ATXN1: variants seen among roughly 807,000 people sequenced by gnomAD.
ATXN1 encodes the protein ataxin-1.
Under a neutral mutation model 56.4 loss-of-function variants are expected in ATXN1, and 8 were observed. The observed-to-expected ratio is 0.14, with a 90% confidence interval of 0.08 to 0.26. ATXN1 has a LOEUF of 0.26. Ranked by LOEUF, ATXN1 falls within the 10% of genes least tolerant of loss-of-function variation. The pLI is 1.00. For synonymous variants in ATXN1, 514 were observed against 494.6 expected (o/e 1.04, Z -0.52); for missense variants, 987 against 1,106.5 (o/e 0.89, Z 1.53).
intron 6 of ATXN1, among the ~76,000 whole-genome samples, chr6:16,481,536 A>G (rs1403076087): frequency 6.6e-6 from 1 of 152,194 alleles, no homozygotes; most frequent in Non-Finnish European, 1.5e-5. Flanking sequence ...GAATAAAGTA[A>G]TGCCTGCACT....
chr6:16,760,742 T>C lies in ATXN1; in HGVS notation c.-730+556A>G, dbSNP rs1410468391. On this transcript the variant is annotated intron_variant, in intron 1 of 7. Coordinates refer to ENST00000436367, the MANE Select transcript of ATXN1 (RefSeq NM_001128164.2). The surrounding 1 kb of genome is among the most constrained non-coding windows in gnomAD (Gnocchi z 5.3). ...AAGTCCAGCCCTCCGTGAGACCCCC[T>C]CTCTCTCACCGCCCTCTCCGGGGAG... is the stretch of plus-strand genomic sequence containing the variant. 6.7e-6 allele frequency among the ~76,000 whole-genome samples: 1 copy of C among 149,488 alleles called. No homozygotes were observed. The highest frequency in any genetic ancestry group is 2.5e-5 in the African/African-American group (1 of 40,500).
At chr6:16,450,002 G>A (rs1333695819) in intron 6 of ATXN1, among the ~76,000 whole-genome samples, 14 of 152,130 alleles carry the variant, frequency 9.2e-5, no homozygotes, top group Non-Finnish European at 1.9e-4. Context: ...AGCATTACAC[G>A]CTGAAATCTA....
Position 16,506,359 on chromosome 6 carries a change from TTTTA to T in ATXN1, c.-299+16264_-299+16267del, listed in dbSNP as rs1345573935. ...TTCTAATGATTTTTCTCTAGTATGA[TTTTA>T]TTTAATAGTTTTACATAAGCAAAGC... On this transcript the variant is annotated intron_variant, in intron 5 of 7. Coordinates refer to ENST00000436367, the MANE Select transcript of ATXN1 (RefSeq NM_001128164.2). This position sits in a 1 kb window ranked among gnomAD's most constrained non-coding sequence, Gnocchi z 4.1. Among the ~76,000 whole-genome samples the T allele has an allele frequency of 4.6e-5, 7 of 152,324 alleles. No homozygotes were observed. The highest frequency in any genetic ancestry group is 1.7e-4 in the African/African-American group (7 of 41,570).
intron 6 of ATXN1, among the ~76,000 whole-genome samples, chr6:16,342,146 G>A (rs1006076499): frequency 3.3e-5 from 5 of 151,882 alleles, no homozygotes; most frequent in Non-Finnish European, 5.9e-5. Flanking sequence ...GCCTCCCAAC[G>A]TGCTGGGATT....
intron 3 of ATXN1, among the ~76,000 whole-genome samples, chr6:16,642,740 G>C (rs1202375370): frequency 2.0e-5 from 3 of 152,160 alleles, no homozygotes. Context: ...TCAACGTAAA[G>C]ACCCTTTACC....
chr6:16,590,852 T>A (rs1371964516), intron 3 of ATXN1, among the ~76,000 whole-genome samples: 2 of 151,756 alleles, frequency 1.3e-5, no homozygotes, highest in East Asian at 3.9e-4. Context: ...TAATTTTTTT[T>A]TTTTTTTGAA....
intron 6 of ATXN1, among the ~76,000 whole-genome samples, chr6:16,405,866 C>A (rs545141316): frequency 3.3e-5 from 5 of 151,940 alleles, no homozygotes; most frequent in African/African-American, 1.2e-4. Flanking sequence ...AAAGAAAAGT[C>A]GGGAAATGGA....
intron 6 of ATXN1, among the ~76,000 whole-genome samples, chr6:16,345,521 TAAG>T (rs1192116812): frequency 6.6e-5 from 10 of 152,350 alleles, no homozygotes; most frequent in African/African-American, 2.2e-4. Context: ...TCGGCCAAGA[TAAG>T]AATTCTCTCT....
chr6:16,731,938 G>C (rs986960708), intron 2 of ATXN1, among the ~76,000 whole-genome samples: 1 of 151,912 alleles, frequency 6.6e-6, no homozygotes, highest in African/African-American at 2.4e-5. Context: ...TTTCTTAGCT[G>C]GTGCCAATTC....
intron 2 of ATXN1, among the ~76,000 whole-genome samples, chr6:16,706,432 A>G (rs1378525750): frequency 6.6e-6 from 1 of 152,150 alleles, no homozygotes; most frequent in Non-Finnish European, 1.5e-5. Context: ...AGAGATCTTA[A>G]AGGAAGAGAG....
At chr6:16,560,081 C>A (rs1235084529) in intron 4 of ATXN1, among the ~76,000 whole-genome samples, 4 of 151,984 alleles carry the variant, frequency 2.6e-5, no homozygotes, top group Admixed American at 2.6e-4. Context: ...GATATGCCAA[C>A]GAGAGGGGTT....
rs59157013 is a variant in ATXN1, at chr6:16,590,844, A to AT, written c.-488-4938dup. Among the ~76,000 whole-genome samples the AT allele has an allele frequency of 8.6e-3, 1,165 of 135,694 alleles. 8 individuals are homozygous for AT. The highest frequency in any genetic ancestry group is 0.014 in the African/African-American group (523 of 37,124). The allele number at this position is 135,694 out of a possible 152,430, so 89.0% of individuals were successfully genotyped here. A position where few individuals can be genotyped will look rare whatever the true frequency, so the allele number is the denominator to read the frequency against. ...GCCACCATGCCTGGCTAATTTTTTA[A>AT]TTTTTTTTTTTTTTTGAAACATAGT... On this transcript the variant is annotated intron_variant, in intron 3 of 7. Transcript: ENST00000436367.
At chr6:16,558,565 C>T (rs1416569005) in intron 4 of ATXN1, among the ~76,000 whole-genome samples, 2 of 151,922 alleles carry the variant, frequency 1.3e-5, no homozygotes, top group Non-Finnish European at 2.9e-5. Flanking sequence ...AAAACAGGGT[C>T]TCCCTGTGTT....
chr6:16,587,845 C>T (rs577298835), intron 3 of ATXN1, among the ~76,000 whole-genome samples: 2 of 151,362 alleles, frequency 1.3e-5, no homozygotes, highest in African/African-American at 2.4e-5. Context: ...GCAGGAGAAT[C>T]GCTTGAACCT....
Position 16,621,688 on chromosome 6 carries a change from G to A in ATXN1, c.-488-35781C>T, listed in dbSNP as rs561478810. Among the ~76,000 whole-genome samples the A allele has an allele frequency of 7.9e-5, 12 of 152,280 alleles. No individual in the cohort carries two copies. The South Asian group carries it at 2.5e-3, about 32-fold the overall frequency. ...AGATCGTGCCACTGCACTCCAGCCT[G>A]GGAGACAGAGCGAGATTCCATCTCA... On this transcript the variant is annotated intron_variant, in intron 3 of 7. Transcript: ENST00000436367.
At chr6:16,667,467 G>A (rs1758451371) in intron 2 of ATXN1, 1 of 152,192 alleles carries the variant, frequency 6.6e-6, no homozygotes, top group Non-Finnish European at 1.5e-5. Context: ...ATGGAAAAAG[G>A]AGTCTCACTC....
intron 2 of ATXN1, chr6:16,738,238 G>A (rs1429790133): frequency 3.3e-5 from 5 of 152,220 alleles, no homozygotes; most frequent in African/African-American, 1.2e-4. Flanking sequence ...ATTTCTCCTT[G>A]AGGAGAGTAG....
intron 6 of ATXN1, among the ~76,000 whole-genome samples, chr6:16,456,555 G>A (rs1486622013): frequency 6.6e-6 from 1 of 152,102 alleles, no homozygotes; most frequent in Admixed American, 6.5e-5. Flanking sequence ...TCAGCTCCGG[G>A]GTCTCAACAA....
At chr6:16,475,710 T>C (rs1381247617) in intron 6 of ATXN1, among the ~76,000 whole-genome samples, 1 of 152,116 alleles carries the variant, frequency 6.6e-6, no homozygotes, top group Non-Finnish European at 1.5e-5. Flanking sequence ...GATAATGATC[T>C]TCCTTTGGAA....
Sources: allele counts gnomAD v4.1 joint callset (sites outside exome capture counted in the v4.1 genomes callset), GRCh38; gene constraint gnomAD v4.1.1; non-coding constraint Gnocchi (gnomAD v3.1); transcripts MANE v1.5; gene names NCBI Gene and HGNC (gene_info 2026-07-23, HGNC 2026-07-21).